The following NRXN1 variants were observed in gnomAD, a reference collection of about 807,000 sequenced individuals.
The protein encoded by NRXN1 is neurexin 1, also known as neurexin-1.
A neutral mutation model predicts 150.9 loss-of-function variants in NRXN1; 39 were observed. That is an observed-to-expected ratio of 0.26 (90% confidence interval 0.20 to 0.34). NRXN1 has a LOEUF of 0.34. Ranked by LOEUF, NRXN1 falls within the 10% of genes least tolerant of loss-of-function variation. NRXN1 has a pLI of 1.00. For missense variants in NRXN1, 1,815 were observed against 1,949.9 expected, an observed-to-expected ratio of 0.93 and a Z score of 1.30; for synonymous variants, 924 against 757.0, an observed-to-expected ratio of 1.22 and a Z score of -3.62.
chr2:50,896,985 G>A (rs939516203), intron 5 of NRXN1, among the ~76,000 whole-genome samples: 3 of 152,216 alleles, frequency 2.0e-5, no homozygotes, highest in Non-Finnish European at 2.9e-5. Context: ...GAGCAAAACT[G>A]CAAGAGGTCA....
intron 5 of NRXN1, among the ~76,000 whole-genome samples, chr2:50,812,017 C>G (rs1384276696): frequency 6.6e-6 from 1 of 151,864 alleles, no homozygotes; most frequent in Non-Finnish European, 1.5e-5. Flanking sequence ...ATGGCTAACT[C>G]TTTTAATTGT....
At chr2:50,787,430 C>T (rs763591888) in intron 5 of NRXN1, among the ~76,000 whole-genome samples, 10 of 151,866 alleles carry the variant, frequency 6.6e-5, no homozygotes, top group Non-Finnish European at 1.0e-4. Flanking sequence ...AGCATGTTGG[C>T]GGGCGCCTGT....
At chr2:50,185,546 A>G (rs1042619457) in intron 18 of NRXN1, 2 of 152,020 alleles carry the variant, frequency 1.3e-5, no homozygotes, top group African/African-American at 4.8e-5. Flanking sequence ...TGATACCTGA[A>G]GCCTCAGATG....
chr2:50,528,585 T>G, intron 12 of NRXN1, 40 bp downstream of exon 12: 2 of 1,170,304 alleles, frequency 1.7e-6, no homozygotes, highest in Non-Finnish European at 2.5e-6. Context: ...TACATCATAA[T>G]GGAGGAATAA....
chr2:50,799,507 G>C (rs573361470), intron 5 of NRXN1, among the ~76,000 whole-genome samples: 31 of 152,262 alleles, frequency 2.0e-4, no homozygotes, highest in African/African-American at 7.2e-4. Context: ...CCTAATTACA[G>C]TTGTTCAGCT....
intron 21 of NRXN1, among the ~76,000 whole-genome samples, chr2:50,028,429 C>A (rs1322066912): frequency 1.3e-5 from 2 of 152,176 alleles, no homozygotes; most frequent in African/African-American, 2.4e-5. Flanking sequence ...ATTTGACTGA[C>A]CTTCAACAGT....
At chr2:50,274,187 T>G (rs2070100131) in intron 17 of NRXN1, among the ~76,000 whole-genome samples, 1 of 150,928 alleles carries the variant, frequency 6.6e-6, no homozygotes, top group Non-Finnish European at 1.5e-5. Flanking sequence ...CATGGAATAC[T>G]ATGCAGCCAT....
At chr2:50,612,614 C>A (rs1185468741) in intron 8 of NRXN1, among the ~76,000 whole-genome samples, 1 of 152,154 alleles carries the variant, frequency 6.6e-6, no homozygotes, top group East Asian at 1.9e-4. Flanking sequence ...GACTCCCTTA[C>A]CCCTTCAGCA....
rs551039863 is a variant in NRXN1 at position 50,619,704 on chromosome 2, G to A, written c.1320+318C>T. ...ACCTATGGCATTTAAGTAGAAATAA[G>A]CAAGTAAACCATTTAGCTCAACTTT... On this transcript the variant is annotated intron_variant, in intron 8 of 22. Transcript: ENST00000401669. 1.5e-5 allele frequency: 6 copies of A among 394,320 alleles called. No homozygotes were observed. In the South Asian group the frequency reaches 7.0e-4, roughly 46 times the overall value. 24.4% of individuals were successfully genotyped at this position (394,320 alleles called of 1,614,324 possible).
chr2:50,649,681 GAGA>G (rs1685329027), intron 5 of NRXN1, among the ~76,000 whole-genome samples: 1 of 151,938 alleles, frequency 6.6e-6, no homozygotes, highest in South Asian at 2.1e-4. Context: ...CTTGATTGTT[GAGA>G]AGATTAAGTG....
At chr2:50,183,270 C>T (rs1315852890) in intron 18 of NRXN1, among the ~76,000 whole-genome samples, 1 of 152,050 alleles carries the variant, frequency 6.6e-6, no homozygotes, top group Non-Finnish European at 1.5e-5. Flanking sequence ...AAATTGGCAT[C>T]TGAGGTTTGA....
intron 17 of NRXN1, among the ~76,000 whole-genome samples, chr2:50,403,867 G>A (rs2082561706): frequency 1.3e-5 from 2 of 152,086 alleles, no homozygotes; most frequent in African/African-American, 4.8e-5. Context: ...TAAGAGGGCC[G>A]TAGCTTCCAT....
chr2:50,381,391 C>G (rs1558634841), intron 17 of NRXN1, among the ~76,000 whole-genome samples: 1 of 151,806 alleles, frequency 6.6e-6, no homozygotes. Flanking sequence ...GATGAATTAC[C>G]AAAGAGTACC....
chr2:50,643,845 T>G (rs1684413642), intron 5 of NRXN1, among the ~76,000 whole-genome samples: 2 of 151,940 alleles, frequency 1.3e-5, no homozygotes, highest in South Asian at 2.1e-4. Context: ...AAACTGTTAC[T>G]TTTCTCAAAA....
chr2:50,169,118 T>C (rs1200200907), intron 18 of NRXN1, among the ~76,000 whole-genome samples: 1 of 152,294 alleles, frequency 6.6e-6, no homozygotes, highest in East Asian at 1.9e-4. Context: ...GCTCATTTAA[T>C]TAACCATAAT....
intron 18 of NRXN1, among the ~76,000 whole-genome samples, chr2:50,171,821 C>T (rs2152801807): frequency 6.6e-6 from 1 of 152,306 alleles, no homozygotes; most frequent in East Asian, 1.9e-4. Flanking sequence ...AGGAAACAAA[C>T]AGGCGACCAC....
At chr2:50,007,046 G>C (rs1684883497) in intron 21 of NRXN1, among the ~76,000 whole-genome samples, 1 of 152,060 alleles carries the variant, frequency 6.6e-6, no homozygotes, top group Non-Finnish European at 1.5e-5. Flanking sequence ...AAGTTTCTGT[G>C]CTATCAAGGG....
intron 19 of NRXN1, among the ~76,000 whole-genome samples, chr2:50,061,895 G>A (rs560943338): frequency 2.0e-5 from 3 of 152,118 alleles, no homozygotes; most frequent in Non-Finnish European, 4.4e-5. Flanking sequence ...GTAAAATTTG[G>A]TTTTATTTTC....
intron 17 of NRXN1, among the ~76,000 whole-genome samples, chr2:50,293,415 C>T (rs1263590876): frequency 6.6e-6 from 1 of 152,178 alleles, no homozygotes. Context: ...TCATGCTACC[C>T]TGTCCATGAT....
Sources: gnomAD v4.1 joint callset for allele counts (sites outside exome capture counted in the v4.1 genomes callset) on GRCh38, gnomAD v4.1.1 for gene constraint, MANE v1.5 for transcripts, NCBI Gene and HGNC (gene_info 2026-07-23, HGNC 2026-07-21) for gene names.